Variants in TMEM130 observed in about 807,000 individuals in gnomAD.
The protein encoded by TMEM130 is transmembrane protein 130.
A neutral mutation model predicts 42.9 loss-of-function variants in TMEM130; 37 were observed. That is an observed-to-expected ratio of 0.86 (90% CI 0.66 to 1.13). The LOEUF (loss-of-function observed/expected upper bound fraction) is 1.13. Ranked by LOEUF, TMEM130 falls within the 50% of genes most tolerant of loss-of-function variation. TMEM130 has a pLI of 0.00. For synonymous variants in TMEM130, 259 were observed against 237.7 expected, an observed-to-expected ratio of 1.09 and a Z score of -0.82; for missense variants, 545 against 562.6, an observed-to-expected ratio of 0.97 and a Z score of 0.32.
At chr7:98,866,814 T>C (rs1045522829) in intron 1 of TMEM130, 28 of 152,256 alleles carry the variant, frequency 1.8e-4, no homozygotes, top group Admixed American at 1.7e-3. Context: ...TAAAGGCATT[T>C]GAGGCCGGGC....
Position 98,869,737 on chromosome 7 carries a change from G to T in TMEM130, c.85+40C>A. ...CTGAGACGGTTCCAGGCCCCGGGCGGGCTGCGGCTGCAGGGAGGCCGGATT... is the reference window on the plus strand; with the variant it reads ...CTGAGACGGTTCCAGGCCCCGGGCGTGCTGCGGCTGCAGGGAGGCCGGATT... On this transcript the variant is annotated intron_variant, in intron 1 of 7. Transcript: ENST00000339375. This position sits in a 1 kb window ranked among gnomAD's most constrained non-coding sequence, Gnocchi z 4.7. 1 of 1,326,478 alleles carries T rather than the reference G, an allele frequency of 7.5e-7. No homozygotes were observed. The highest frequency in any genetic ancestry group is 9.7e-7 in the Non-Finnish European group (1 of 1,032,220). 82.2% of individuals were successfully genotyped at this position (1,326,478 alleles called of 1,614,324 possible).
Position 98,851,684 on chromosome 7 carries a change from A to T in TMEM130, c.804-61T>A, listed in dbSNP as rs1435669736. Reference sequence around the variant, plus strand: ...TCAGCAAAGCATGTCAGCACAGACCAAGTCCAAGACAGGCCAGGTGGGCAG... The same window carrying T: ...TCAGCAAAGCATGTCAGCACAGACCTAGTCCAAGACAGGCCAGGTGGGCAG... On this transcript the variant is annotated intron_variant, in intron 5 of 7. Coordinates refer to ENST00000339375, the MANE Select transcript of TMEM130 (RefSeq NM_152913.3). 10 of 1,476,000 alleles carry T rather than the reference A, an allele frequency of 6.8e-6. No individual in the cohort carries two copies. In the East Asian group the frequency reaches 2.4e-4, roughly 36 times the overall value. The allele number at this position is 1,476,000 out of a possible 1,614,324, so 91.4% of individuals were successfully genotyped here.
chr7:98,856,268 T>C, intron 3 of TMEM130, 85 bp from the exon 4 acceptor site: 1 of 1,394,372 alleles, frequency 7.2e-7, no homozygotes, highest in Non-Finnish European at 9.9e-7. Flanking sequence ...TCATGGGACT[T>C]GCCAGAGTCA....
chr7:98,863,049 G>C, intron 2 of TMEM130, 46 bp downstream of exon 2: 1 of 1,566,034 alleles, frequency 6.4e-7, no homozygotes, highest in Non-Finnish European at 8.7e-7. Context: ...GTTTTTCTCT[G>C]CACCAAGGGT....
Position 98,851,609 on chromosome 7 carries a change from ACAGT to A in TMEM130, c.814_817del (p.Thr272CysfsTer29). On this transcript the variant is annotated frameshift_variant, in exon 6 of 8. Transcript: ENST00000339375. LOFTEE classifies it high-confidence loss of function. Reference sequence around the variant, plus strand: ...GCACTCAGGCTTGAGACGCCAGCACACAGTCAGAGGAGGGCTGCAGGGAAATGGG... The same window carrying A: ...GCACTCAGGCTTGAGACGCCAGCACACAGAGGAGGGCTGCAGGGAAATGGG... 6.2e-7 allele frequency: 1 copy of A among 1,612,630 alleles called. No individual in the cohort carries two copies. The highest frequency in any genetic ancestry group is 1.1e-5 in the South Asian group (1 of 90,958).
At chr7:98,864,637 G>A (rs782781965) in intron 1 of TMEM130, among the ~76,000 whole-genome samples, 3 of 151,806 alleles carry the variant, frequency 2.0e-5, no homozygotes, top group African/African-American at 4.8e-5. Flanking sequence ...CATGGCTCAT[G>A]CCTGTAACCC....
At chr7:98,867,849 G>A (rs1196318096) in intron 1 of TMEM130, among the ~76,000 whole-genome samples, 1 of 152,204 alleles carries the variant, frequency 6.6e-6, no homozygotes, top group Non-Finnish European at 1.5e-5. Context: ...GGATGGCCAG[G>A]ACATCCAGGG....
chr7:98,851,171 A>T (rs2116068566), intron 6 of TMEM130, among the ~76,000 whole-genome samples: 1 of 152,178 alleles, frequency 6.6e-6, no homozygotes, highest in Middle Eastern at 3.4e-3. Flanking sequence ...GATGGGTGCC[A>T]TATTGGGGTT....
Position 98,855,234 on chromosome 7 carries a change from A to G in TMEM130, c.803+6T>C, listed in dbSNP as rs199890695. ...GCACCCCCAGTGCGCTCTGGAGCTCACTTACCTCCCCAGGAAGTTCAAGGT... is the reference window on the plus strand; with the variant it reads ...GCACCCCCAGTGCGCTCTGGAGCTCGCTTACCTCCCCAGGAAGTTCAAGGT... On this transcript the variant is annotated splice_donor_region_variant and intron_variant, in intron 5 of 7. Coordinates refer to ENST00000339375, the MANE Select transcript of TMEM130 (RefSeq NM_152913.3). 68 of 1,612,516 alleles carry G rather than the reference A, an allele frequency of 4.2e-5. 1 individual carries two copies. The East Asian group carries it at 5.1e-4, about 12-fold the overall frequency.
intron 6 of TMEM130, 35 bp from the exon 7 acceptor site, chr7:98,848,730 T>C (rs766877009): frequency 7.3e-7 from 1 of 1,363,416 alleles, no homozygotes; most frequent in Non-Finnish European, 1.1e-6. Context: ...CAGGACTGGG[T>C]AGCTGGTACT....
chr7:98,858,133 G>C (rs1464066495), intron 3 of TMEM130, among the ~76,000 whole-genome samples: 1 of 147,664 alleles, frequency 6.8e-6, no homozygotes, highest in African/African-American at 2.7e-5. Context: ...ATATTACATT[G>C]AATGTTCATT....
Position 98,851,476 on chromosome 7 carries a change from G to T in TMEM130, c.951C>A (p.Ala317=), listed in dbSNP as rs553163444. Residue 317 remains alanine (A), a synonymous_variant, in exon 6 of 8, where the codon GCC becomes GCA. Coordinates refer to ENST00000339375, the MANE Select transcript of TMEM130 (RefSeq NM_152913.3). ...GATGTGTCTTGCTGATGATATTCTCGGCCCGGATGCTGAAGCAGTAGTCCC... is the reference window on the plus strand; with the variant it reads ...GATGTGTCTTGCTGATGATATTCTCTGCCCGGATGCTGAAGCAGTAGTCCC... ...DPGDYCFSIR[A]ENIISKTHQY... 8 of 1,613,870 alleles carry T rather than the reference G, an allele frequency of 5.0e-6. No homozygotes were observed. In the African/African-American group the frequency reaches 9.4e-5, roughly 19 times the overall value.
chr7:98,859,073 GGAAAGGAAA>G (rs1250136229), intron 3 of TMEM130, among the ~76,000 whole-genome samples: 4 of 142,702 alleles, frequency 2.8e-5, no homozygotes, highest in African/African-American at 7.7e-5. Context: ...AAAAGAAAAA[GGAAAGGAAA>G]GAAAGGAAAG....
chr7:98,856,030 C>G lies in TMEM130; in HGVS notation c.705G>C (p.Ser235=). ...CTGGACACCCACCCTGCAGCTTCAG[C>G]GAGGCGGAGAAGTCCCCGGTCTTCT... ...VKQKTGDFSA[S]LKLQETLRGI... Residue 235 remains serine, a synonymous_variant, in exon 4 of 8, where the codon TCG becomes TCC. Coordinates refer to ENST00000339375, the MANE Select transcript of TMEM130 (RefSeq NM_152913.3). The G allele has an allele frequency of 6.2e-7, 1 of 1,613,006 alleles. No individual in the cohort carries two copies. Among genetic ancestry groups the G allele is most frequent in the Non-Finnish European group, 8.5e-7 (1 of 1,180,002 alleles).
chr7:98,856,361 GC>G (rs1794633719), intron 3 of TMEM130, among the ~76,000 whole-genome samples, 178 bp from the exon 4 acceptor site: 1 of 152,202 alleles, frequency 6.6e-6, no homozygotes, highest in African/African-American at 2.4e-5. Context: ...CTCCAGGTCA[GC>G]TGGCCCATTT....
At chr7:98,848,455 C>T in intron 7 of TMEM130, 128 bp downstream of exon 7, 1 of 799,710 alleles carries the variant, frequency 1.3e-6, no homozygotes. Flanking sequence ...CACATCACCC[C>T]AAGTCCCGGA....
At chr7:98,855,393 G>C in intron 4 of TMEM130, 69 bp from the exon 5 acceptor site, 1 of 1,444,160 alleles carries the variant, frequency 6.9e-7, no homozygotes, top group East Asian at 2.4e-5. Flanking sequence ...CAGGGCACAG[G>C]GTGGTGCGAC....
intron 1 of TMEM130, chr7:98,865,930 C>CA: frequency 5.7e-6 from 1 of 175,270 alleles, no homozygotes; most frequent in African/African-American, 2.4e-5. Flanking sequence ...AAGGTCCCCC[C>CA]ACAAGTCCCC....
Position 98,863,385 on chromosome 7 carries a change from T to A in TMEM130, c.101A>T (p.Asn34Ile). 1.3e-6 allele frequency: 2 copies of A among 1,594,302 alleles called. No homozygotes were observed. Among genetic ancestry groups the A allele is most frequent in the Non-Finnish European group, 1.7e-6 (2 of 1,173,700 alleles). ...GGTGGCAGGGCTATCGGTGGTGAGA[T>A]TGAGTTCATACAGGCCTAGGAGCCC... ...AGVAAGLYEL[N>I]LTTDSPATTG... The change falls in exon 2 of 8, where the codon AAT becomes ATT. Residue 34 changes from asparagine (N) to isoleucine (I), a missense_variant. Physicochemically the swap from Asn to Ile is moderately radical, Grantham distance 149 (BLOSUM62 -3). Coordinates refer to ENST00000339375, the MANE Select transcript of TMEM130 (RefSeq NM_152913.3).
Sources: gnomAD v4.1 joint callset for allele counts (sites outside exome capture counted in the v4.1 genomes callset) on GRCh38, gnomAD v4.1.1 for gene constraint, Gnocchi (gnomAD v3.1) non-coding constraint, MANE v1.5 for transcripts, NCBI Gene and HGNC (gene_info 2026-07-23, HGNC 2026-07-21) for gene names.